The following PRPF39 variants were observed in gnomAD, a reference collection of about 807,000 sequenced individuals.
The protein encoded by PRPF39 is pre-mRNA-processing factor 39.
A neutral mutation model predicts 82.1 loss-of-function variants in PRPF39; 27 were observed. The ratio of observed to expected loss-of-function variants is 0.33; its 90% CI spans 0.24 to 0.45. The LOEUF is 0.45. PRPF39 is among the 20% of genes least tolerant of loss of function. PRPF39 has a pLI of 1.00. For synonymous variants in PRPF39, 261 were observed against 256.4 expected (o/e 1.02, Z -0.17); for missense variants, 581 against 796.9 (o/e 0.73, Z 3.26).
At chr14:45,091,279 T>C (rs1164932180) in intron 1 of PRPF39, among the ~76,000 whole-genome samples, 1 of 152,188 alleles carries the variant, frequency 6.6e-6, no homozygotes, top group Non-Finnish European at 1.5e-5. Context: ...TAGCTAGGAC[T>C]ATAGGCACAC....
chr14:45,108,647 A>T (rs1214200099), intron 7 of PRPF39, 125 bp downstream of exon 7: 1 of 1,249,622 alleles, frequency 8.0e-7, no homozygotes, highest in Non-Finnish European at 1.0e-6. Context: ...ATAACTTCAG[A>T]TGTTTGTCTC....
chr14:45,103,573 T>C (rs999910391), intron 5 of PRPF39, among the ~76,000 whole-genome samples: 6 of 152,088 alleles, frequency 3.9e-5, no homozygotes, highest in African/African-American at 1.4e-4. Flanking sequence ...TGTAAAGTAC[T>C]AAGGATCAAT....
At chr14:45,113,566 G>A (rs1286736625) in intron 11 of PRPF39, among the ~76,000 whole-genome samples, 1 of 152,182 alleles carries the variant, frequency 6.6e-6, no homozygotes, top group African/African-American at 2.4e-5. Context: ...CAAAAGATGA[G>A]ATATGTAATT....
Position 45,112,491 on chromosome 14 carries a change from C to T in PRPF39, c.1746C>T (p.Ser582=), listed in dbSNP as rs150707652. 156 of 1,501,206 alleles carry T rather than the reference C, an allele frequency of 1.0e-4. No individual in the cohort carries two copies. The highest frequency in any genetic ancestry group is 5.6e-4 in the East Asian group (23 of 40,714). 93.0% of individuals were successfully genotyped at this position (1,501,206 alleles called of 1,614,324 possible). A position where few individuals can be genotyped will look rare whatever the true frequency, so the allele number is the denominator to read the frequency against. ...TGGAATTTCTTGAAGATTTTGGTTC[C>T]GATGTTAATAAGTAAGATATTAGTT... ...RKVEFLEDFG[S]DVNKLLNAYD... The change falls in exon 11 of 14, where the codon TCC becomes TCT. Residue 582 remains serine (S), a synonymous_variant. Transcript: ENST00000355765.
At chr14:45,098,341 G>A (rs1312003619) in intron 4 of PRPF39, among the ~76,000 whole-genome samples, 5 of 151,884 alleles carry the variant, frequency 3.3e-5, no homozygotes, top group Non-Finnish European at 7.4e-5. Flanking sequence ...TACTCGGGAG[G>A]CTGAGGCAAG....
Position 45,114,850 on chromosome 14 carries a change from C to T in PRPF39, c.1954-7C>T, listed in dbSNP as rs1009304414. 1.3e-6 allele frequency: 2 copies of T among 1,588,778 alleles called. No individual in the cohort carries two copies. Among genetic ancestry groups the T allele is most frequent in the Non-Finnish European group, 1.7e-6 (2 of 1,157,850 alleles). On this transcript the variant is annotated splice_region_variant and splice_polypyrimidine_tract_variant and intron_variant, in intron 13 of 13. Transcript: ENST00000355765. Reference sequence around the variant, plus strand: ...AATATGCTAACATACTTACTTTTTCCTTTCAGTACAATTATCAGAATCCTT... The same window carrying T: ...AATATGCTAACATACTTACTTTTTCTTTTCAGTACAATTATCAGAATCCTT...
At chr14:45,111,800 G>A (rs1398348616) in intron 10 of PRPF39, among the ~76,000 whole-genome samples, 2 of 151,696 alleles carry the variant, frequency 1.3e-5, no homozygotes, top group African/African-American at 4.8e-5. Flanking sequence ...CACCACGCCA[G>A]TTAATTTTTG....
rs1269742425 is a variant in PRPF39 at position 45,089,121 on chromosome 14, T to A, written c.-20+4872T>A. Among the ~76,000 whole-genome samples the A allele has an allele frequency of 2.0e-5, 3 of 152,368 alleles. No individual in the cohort carries two copies. In the East Asian group the frequency reaches 5.8e-4, roughly 29 times the overall value. On this transcript the variant is annotated intron_variant, in intron 1 of 13. Transcript: ENST00000355765. ...AATTTGATGTAGTCCTATTTGTCTG[T>A]TTTTGCTTTTGTTTGCCTGTGCTTT...
intron 4 of PRPF39, among the ~76,000 whole-genome samples, chr14:45,099,369 T>G (rs1012064151): frequency 6.6e-6 from 1 of 152,162 alleles, no homozygotes; most frequent in African/African-American, 2.4e-5. Context: ...CTATTTTTCA[T>G]ATCTTAGACT....
intron 1 of PRPF39, among the ~76,000 whole-genome samples, chr14:45,093,637 C>T (rs1282107664): frequency 6.6e-6 from 1 of 151,766 alleles, no homozygotes; most frequent in African/African-American, 2.4e-5. Flanking sequence ...CTCACTGTAC[C>T]CTCCTCCTCC....
chr14:45,092,224 A>G (rs1884051741), intron 1 of PRPF39, among the ~76,000 whole-genome samples: 1 of 152,248 alleles, frequency 6.6e-6, no homozygotes, highest in Non-Finnish European at 1.5e-5. Flanking sequence ...TTTATTAGTA[A>G]GGAAATTACT....
At position 45,110,257 on chromosome 14, in the gene PRPF39, T is replaced by C; in HGVS notation, c.1303+37T>C. 1 of 1,608,534 alleles carries C rather than the reference T, an allele frequency of 6.2e-7. No individual in the cohort carries two copies. The highest frequency in any genetic ancestry group is 1.1e-5 in the South Asian group (1 of 90,696). On this transcript the variant is annotated intron_variant, in intron 9 of 13. Coordinates refer to ENST00000355765, the MANE Select transcript of PRPF39 (RefSeq NM_017922.4). The surrounding 1 kb of genome is among the most constrained non-coding windows in gnomAD (Gnocchi z 4.0). ...GAAATTCAGTTGACATTTTTGAGAT[T>C]TTAAGTTATTTCAGGAAACAGTGAC...
At chr14:45,088,733 G>A (rs931381966) in intron 1 of PRPF39, among the ~76,000 whole-genome samples, 1 of 152,186 alleles carries the variant, frequency 6.6e-6, no homozygotes, top group Non-Finnish European at 1.5e-5. Flanking sequence ...AGTTATAGCA[G>A]TGCAGATGAC....
At chr14:45,086,275 G>A (rs747740581) in intron 1 of PRPF39, among the ~76,000 whole-genome samples, 16 of 152,262 alleles carry the variant, frequency 1.1e-4, no homozygotes, top group Non-Finnish European at 2.4e-4. Context: ...GTTAGTAATT[G>A]AAGTCATCCT....
chr14:45,111,580 C>T (rs1594737058), intron 10 of PRPF39, among the ~76,000 whole-genome samples: 1 of 150,840 alleles, frequency 6.6e-6, no homozygotes, highest in African/African-American at 2.4e-5. Flanking sequence ...GATTTGCCTG[C>T]CTCGGCCTCC....
At chr14:45,109,238 C>G (rs1385122801) in intron 7 of PRPF39, among the ~76,000 whole-genome samples, 1 of 152,212 alleles carries the variant, frequency 6.6e-6, no homozygotes, top group African/African-American at 2.4e-5. Flanking sequence ...ATACAGAACT[C>G]TTTTAGCACT....
At position 45,116,151 on chromosome 14, in the gene PRPF39, A is replaced by G; in HGVS notation, c.*1238A>G. ...AGTTGTGTAAATTTCTTCAAGGCCAAGTTTTATCATTGTTGCTAATATCCT... is the reference window on the plus strand; with the variant it reads ...AGTTGTGTAAATTTCTTCAAGGCCAGGTTTTATCATTGTTGCTAATATCCT... On this transcript the variant is annotated 3_prime_UTR_variant, in exon 14 of 14. Transcript: ENST00000355765. The G allele has an allele frequency of 1.4e-6, 2 of 1,392,174 alleles. No individual in the cohort carries two copies. Among genetic ancestry groups the G allele is most frequent in the Non-Finnish European group, 2.0e-6 (2 of 984,598 alleles). 86.2% of individuals were successfully genotyped at this position (1,392,174 alleles called of 1,614,324 possible). A position where few individuals can be genotyped will look rare whatever the true frequency, so the allele number is the denominator to read the frequency against.
intron 1 of PRPF39, among the ~76,000 whole-genome samples, chr14:45,087,393 G>A (rs1404305634): frequency 6.6e-6 from 1 of 151,820 alleles, no homozygotes; most frequent in Non-Finnish European, 1.5e-5. Context: ...GCCACTGCAT[G>A]GGTGGCCCAG....
intron 1 of PRPF39, among the ~76,000 whole-genome samples, chr14:45,089,151 A>G (rs1428702441): frequency 6.6e-6 from 1 of 152,180 alleles, no homozygotes; most frequent in Admixed American, 6.5e-5. Context: ...TGCTTTTGGC[A>G]TTATCCAAGA....
Sources: gnomAD v4.1 joint callset for allele counts (sites outside exome capture counted in the v4.1 genomes callset) on GRCh38, gnomAD v4.1.1 for gene constraint, Gnocchi (gnomAD v3.1) non-coding constraint, MANE v1.5 for transcripts, NCBI Gene and HGNC (gene_info 2026-07-23, HGNC 2026-07-21) for gene names.